The following HELZ variants were observed in gnomAD, a reference collection of about 807,000 sequenced individuals.
The protein encoded by HELZ is ATP-dependent RNA helicase with zinc finger domain.
Under a neutral mutation model 218.2 loss-of-function variants are expected in HELZ, and 23 were observed. The observed-to-expected ratio is 0.11, with a 90% CI of 0.08 to 0.15. HELZ has a LOEUF of 0.15. Among genes scored for constraint, HELZ ranks in the 10% least tolerant of loss-of-function variants. HELZ has a pLI of 1.00. For synonymous variants in HELZ, 814 were observed against 829.4 expected (o/e 0.98, Z 0.32); for missense variants, 1,813 against 2,353.7 (o/e 0.77, Z 4.75).
chr17:67,103,854 A>G (rs2037005523), intron 31 of HELZ, among the ~76,000 whole-genome samples: 1 of 152,342 alleles, frequency 6.6e-6, no homozygotes, highest in Admixed American at 6.5e-5. Context: ...TTACTACAAT[A>G]CTACAGTGTA....
Position 67,123,118 on chromosome 17 carries a change from G to T in HELZ, c.3482C>A (p.Ala1161Glu), listed in dbSNP as rs765559379. The stretch of plus-strand genomic sequence containing the variant: ...TCCAAGAGGGGGTGGAGGAGTATAT[G>T]CTCTAATAGGATTGCCAATAAGTAC... ...PSVLIGNPIRAYTPPPPLGPH... is the reference protein window; with the variant it reads ...PSVLIGNPIREYTPPPPLGPH... Residue 1161 changes from alanine (A) to glutamate (E), a missense_variant, in exon 26 of 33, where the codon GCA becomes GAA. Coordinates refer to ENST00000358691, the MANE Select transcript of HELZ (RefSeq NM_014877.4). 4.3e-6 allele frequency: 7 copies of T among 1,613,434 alleles called. No homozygotes were observed. Among genetic ancestry groups the T allele is most frequent in the Non-Finnish European group, 4.2e-6 (5 of 1,179,568 alleles).
chr17:67,245,903 T>A (rs1488772088), upstream of HELZ: 1 of 152,172 alleles, frequency 6.6e-6, no homozygotes, highest in Non-Finnish European at 1.5e-5. Context: ...CCCCTAGGAA[T>A]GTGGCTCCAG....
intron 3 of HELZ, chr17:67,225,098 A>G: frequency 2.1e-6 from 1 of 480,516 alleles, no homozygotes; most frequent in Non-Finnish European, 3.8e-6. Flanking sequence ...AAAAAATTAC[A>G]TATATATATA....
At chr17:67,196,397 C>G (rs957155658) in intron 7 of HELZ, among the ~76,000 whole-genome samples, 1 of 152,230 alleles carries the variant, frequency 6.6e-6, no homozygotes, top group Admixed American at 6.5e-5. Flanking sequence ...CTAAACTATT[C>G]TGTAGTATTT....
Position 67,071,191 on chromosome 17 carries a change from T to A in HELZ, c.*7061A>T, listed in dbSNP as rs1174006355. On this transcript the variant is annotated 3_prime_UTR_variant, in exon 33 of 33. Transcript: ENST00000358691. Reference sequence around the variant, plus strand: ...TACAGTACAATGTCATATACATGGATTTATAGGAAGCAGGCATGGTCTGGA... The same window carrying A: ...TACAGTACAATGTCATATACATGGAATTATAGGAAGCAGGCATGGTCTGGA... The A allele has an allele frequency of 6.6e-6, 1 of 152,480 alleles. No individual in the cohort carries two copies. The highest frequency in any genetic ancestry group is 2.4e-5 in the African/African-American group (1 of 41,386). The allele number at this position is 152,480 out of a possible 1,614,324, so 9.4% of individuals were successfully genotyped here.
intron 2 of HELZ, chr17:67,239,914 C>T (rs1430893259): frequency 6.6e-6 from 1 of 152,128 alleles, no homozygotes; most frequent in Non-Finnish European, 1.5e-5. Flanking sequence ...ATAACTATCT[C>T]GTGAGTTGCT....
At chr17:67,157,558 G>A (rs984682228) in intron 17 of HELZ, among the ~76,000 whole-genome samples, 1 of 152,164 alleles carries the variant, frequency 6.6e-6, no homozygotes, top group African/African-American at 2.4e-5. Flanking sequence ...TAAAATTGGA[G>A]AATTGACGGT....
At chr17:67,211,253 T>G (rs1030073967) in intron 5 of HELZ, among the ~76,000 whole-genome samples, 3 of 152,122 alleles carry the variant, frequency 2.0e-5, no homozygotes, top group Admixed American at 6.5e-5. Context: ...AAAAAAACTT[T>G]GGGGACAGAA....
At chr17:67,239,855 A>G (rs7211695) in intron 2 of HELZ, 91,487 of 152,086 alleles carry the variant, frequency 0.6, 28,833 homozygotes, top group East Asian at 0.88. Flanking sequence ...GTGACGTTAC[A>G]TTAGTTGAGT....
At chr17:67,084,646 G>C (rs59029091) in intron 32 of HELZ, among the ~76,000 whole-genome samples, 45,831 of 141,864 alleles carry the variant, frequency 0.32, 7,955 homozygotes, top group East Asian at 0.69. Flanking sequence ...CTGGGCGACA[G>C]AGCGAGACTC....
At chr17:67,123,833 G>GTA in intron 25 of HELZ, 130 bp downstream of exon 25, 1 of 720,582 alleles carries the variant, frequency 1.4e-6, no homozygotes, top group Non-Finnish European at 2.6e-6. Flanking sequence ...GTGTGTGTGT[G>GTA]TGTGTGTGTG....
chr17:67,223,341 G>A (rs144297781), intron 3 of HELZ, among the ~76,000 whole-genome samples: 39 of 152,262 alleles, frequency 2.6e-4, no homozygotes, highest in African/African-American at 9.4e-4. Context: ...AATGGAAGTC[G>A]CTGGAGCTGA....
intron 4 of HELZ, 118 bp downstream of exon 4, chr17:67,218,477 C>A (rs1189587856): frequency 2.5e-6 from 2 of 795,482 alleles, no homozygotes; most frequent in East Asian, 4.9e-5. Flanking sequence ...ATTCAGCAAT[C>A]ACCAGCCACT....
rs1232282317 is a variant in HELZ at position 67,136,050 on chromosome 17, G to A, written c.3102C>T (p.Leu1034=). ...ATTGTGCTCTTGTGATGGCAGTATT[G>A]AGAAGCTTGTAGTTAGATAAAAAAC... ...DYGFLSNYKL[L]NTAITRAQSL... Residue 1034 remains leucine (L), a synonymous_variant, in exon 23 of 33, where the codon CTC becomes CTT. Coordinates refer to ENST00000358691, the MANE Select transcript of HELZ (RefSeq NM_014877.4). The A allele has an allele frequency of 1.9e-6, 3 of 1,613,934 alleles. No homozygotes were observed. The highest frequency in any genetic ancestry group is 3.3e-5 in the Admixed American group (2 of 59,994).
At chr17:67,084,717 A>T (rs948529727) in intron 32 of HELZ, among the ~76,000 whole-genome samples, 1 of 152,176 alleles carries the variant, frequency 6.6e-6, no homozygotes, top group Non-Finnish European at 1.5e-5. Flanking sequence ...ATCGTAAAAA[A>T]ATTATAATAA....
At chr17:67,138,641 A>G (rs1335979698) in intron 21 of HELZ, among the ~76,000 whole-genome samples, 1 of 152,206 alleles carries the variant, frequency 6.6e-6, no homozygotes, top group African/African-American at 2.4e-5. Context: ...TTGACAACAA[A>G]CCACAGCTGG....
intron 21 of HELZ, among the ~76,000 whole-genome samples, chr17:67,141,976 G>A (rs939638217): frequency 3.7e-4 from 56 of 151,898 alleles, no homozygotes; most frequent in Middle Eastern, 3.4e-3. Context: ...CCTGGGAGGC[G>A]AAGGTTGCAG....
intron 32 of HELZ, among the ~76,000 whole-genome samples, chr17:67,079,512 C>T (rs541223590): frequency 2.0e-5 from 3 of 152,174 alleles, no homozygotes; most frequent in Non-Finnish European, 4.4e-5. Context: ...CGGCTCCTTC[C>T]TCAGGATAAG....
chr17:67,225,660 C>T (rs951705136), intron 3 of HELZ: 3 of 152,152 alleles, frequency 2.0e-5, no homozygotes, highest in Non-Finnish European at 4.4e-5. Context: ...TGTCCCAAGA[C>T]AAAGGAGTGT....
Sources: allele counts gnomAD v4.1 joint callset (sites outside exome capture counted in the v4.1 genomes callset), GRCh38; gene constraint gnomAD v4.1.1; transcripts MANE v1.5; gene names NCBI Gene and HGNC (gene_info 2026-07-23, HGNC 2026-07-21).